The following CHRNB3 variants were observed in gnomAD, a reference collection of about 807,000 sequenced individuals.
CHRNB3 encodes cholinergic receptor nicotinic beta 3 subunit, also known as neuronal acetylcholine receptor subunit beta-3.
A neutral mutation model predicts 40.6 loss-of-function variants in CHRNB3; 37 were observed. That is an observed-to-expected ratio of 0.91 (90% CI 0.70 to 1.20). The LOEUF is 1.20. CHRNB3 is among the 50% of genes most tolerant of loss of function. The pLI is 0.00. For missense variants in CHRNB3, 505 were observed against 551.2 expected (o/e 0.92, Z 0.84); for synonymous variants, 207 against 207.1 (o/e 1.00, Z 0.00).
intron 5 of CHRNB3, among the ~76,000 whole-genome samples, chr8:42,734,945 G>T (rs1816494864): frequency 1.3e-5 from 2 of 152,048 alleles, no homozygotes; most frequent in Non-Finnish European, 2.9e-5. Context: ...ACAGGGCCAG[G>T]CGCGGTAGCT....
rs76865912 is a variant in CHRNB3 at position 42,708,797 on chromosome 8, C to T, written c.133C>T (p.Arg45Cys). Residue 45 changes from arginine to cysteine, a missense_variant, in exon 2 of 6, where the codon CGC becomes TGC. Physicochemically the swap from Arg to Cys is radical, Grantham distance 180. Coordinates refer to ENST00000289957, the MANE Select transcript of CHRNB3 (RefSeq NM_000749.5). ...HLFQGYQKWV[R>C]PVLHSNDTIK... ...GTTCCAAGGTTATCAGAAATGGGTCCGCCCTGTATTACATTCTAATGACAC... is the reference window on the plus strand; with the variant it reads ...GTTCCAAGGTTATCAGAAATGGGTCTGCCCTGTATTACATTCTAATGACAC... The T allele has an allele frequency of 7.1e-5, 115 of 1,613,864 alleles. 1 individual carries two copies. Among genetic ancestry groups the T allele is most frequent in the East Asian group, 1.8e-4 (8 of 44,890 alleles).
chr8:42,732,174 T>C lies in CHRNB3; in HGVS notation c.867T>C (p.Ser289=). 1 of 1,609,732 alleles carries C rather than the reference T, an allele frequency of 6.2e-7. No individual in the cohort carries two copies. Among genetic ancestry groups the C allele is most frequent in the East Asian group, 2.2e-5 (1 of 44,884 alleles). ...LLVIEEIIPS[S]SKVIPLIGEY... The stretch of plus-strand genomic sequence containing the variant: ...TGATTGAAGAAATCATCCCATCGTC[T>C]TCCAAAGTCATTCCTCTCATTGGAG... The change falls in exon 5 of 6, where the codon TCT becomes TCC. Residue 289 remains serine (S), a synonymous_variant. Transcript: ENST00000289957.
At chr8:42,716,724 C>A (rs553094593) in intron 3 of CHRNB3, among the ~76,000 whole-genome samples, 1 of 152,134 alleles carries the variant, frequency 6.6e-6, no homozygotes, top group South Asian at 2.1e-4. Flanking sequence ...TTATGGAAAG[C>A]CGCCTCTGCC....
chr8:42,730,777 G>A (rs955753287), intron 4 of CHRNB3, 74 bp downstream of exon 4: 39 of 867,940 alleles, frequency 4.5e-5, no homozygotes, highest in Admixed American at 1.4e-4. Context: ...GGCTGGGCGC[G>A]GTGGCTCACG....
intron 3 of CHRNB3, among the ~76,000 whole-genome samples, chr8:42,728,984 T>C (rs1272830991): frequency 6.6e-6 from 1 of 152,062 alleles, no homozygotes; most frequent in Non-Finnish European, 1.5e-5. Flanking sequence ...GGAAGGAGAT[T>C]ATATTTGTTC....
chr8:42,698,327 T>A (rs370230966), intron 1 of CHRNB3, among the ~76,000 whole-genome samples: 1 of 152,242 alleles, frequency 6.6e-6, no homozygotes, highest in Admixed American at 6.5e-5. Flanking sequence ...ACTTTTTGTG[T>A]AACTTGAGAA....
intron 3 of CHRNB3, among the ~76,000 whole-genome samples, chr8:42,722,881 AGG>A (rs1278565793): frequency 1.3e-5 from 2 of 151,966 alleles, no homozygotes; most frequent in East Asian, 3.9e-4. Flanking sequence ...CTCTTGGGGG[AGG>A]GATGGCTTTA....
intron 3 of CHRNB3, among the ~76,000 whole-genome samples, chr8:42,727,826 G>A (rs1254733108): frequency 2.0e-5 from 3 of 152,120 alleles, no homozygotes; most frequent in Non-Finnish European, 2.9e-5. Context: ...CTGTGCGACT[G>A]CACTCCAGCC....
intron 3 of CHRNB3, chr8:42,725,594 G>C: frequency 8.9e-7 from 1 of 1,121,608 alleles, no homozygotes; most frequent in Non-Finnish European, 1.3e-6. Context: ...TGATAGCCAG[G>C]TATGCCCATC....
At chr8:42,703,502 C>A (rs1300870487) in intron 1 of CHRNB3, among the ~76,000 whole-genome samples, 8 of 140,152 alleles carry the variant, frequency 5.7e-5, no homozygotes, top group African/African-American at 2.0e-4. Flanking sequence ...AGAAAAAATT[C>A]TTGGTTTTTC....
chr8:42,707,767 C>T (rs908424024), intron 1 of CHRNB3, among the ~76,000 whole-genome samples: 1 of 152,180 alleles, frequency 6.6e-6, no homozygotes, highest in Non-Finnish European at 1.5e-5. Context: ...TAAGGAAAGA[C>T]TCTTCCTTGG....
chr8:42,716,418 G>C (rs1487501949), intron 3 of CHRNB3, among the ~76,000 whole-genome samples: 3 of 152,106 alleles, frequency 2.0e-5, no homozygotes, highest in Non-Finnish European at 4.4e-5. Context: ...AAGTGATGCA[G>C]GGCAGATGAA....
At chr8:42,706,467 GC>G (rs1815923862) in intron 1 of CHRNB3, among the ~76,000 whole-genome samples, 2 of 152,292 alleles carry the variant, frequency 1.3e-5, no homozygotes, top group South Asian at 4.1e-4. Flanking sequence ...CAGTGCAGGA[GC>G]CCAAGAGAGA....
chr8:42,733,724 C>A lies in CHRNB3; in HGVS notation c.1242+1175C>A, dbSNP rs991888118. Among the ~76,000 whole-genome samples the A allele has an allele frequency of 2.0e-5, 3 of 150,202 alleles. No individual in the cohort carries two copies. The Admixed American group carries it at 2.0e-4, about 10-fold the overall frequency. On this transcript the variant is annotated intron_variant, in intron 5 of 5. Transcript: ENST00000289957. ...TCTGCTGTCTCAGCCTCCCAAGTAG[C>A]TGGGACTACAGGTACACACCACCAC... is the stretch of plus-strand genomic sequence containing the variant.
At chr8:42,730,819 C>T (rs921558037) in intron 4 of CHRNB3, 116 bp downstream of exon 4, 5 of 473,982 alleles carry the variant, frequency 1.1e-5, no homozygotes, top group South Asian at 3.3e-5. Flanking sequence ...GAGGCCGAGG[C>T]GGGTGGATCA....
intron 3 of CHRNB3, among the ~76,000 whole-genome samples, chr8:42,717,902 G>A (rs373730847): frequency 2.4e-4 from 34 of 143,510 alleles, no homozygotes; most frequent in African/African-American, 8.3e-4. Flanking sequence ...GCACAATCTC[G>A]GCTCACCACA....
At chr8:42,728,001 T>C (rs888110299) in intron 3 of CHRNB3, among the ~76,000 whole-genome samples, 1 of 152,198 alleles carries the variant, frequency 6.6e-6, no homozygotes, top group Non-Finnish European at 1.5e-5. Context: ...ACTTTTAGAA[T>C]TTCTGACTTG....
At chr8:42,718,252 C>CT (rs1164595473) in intron 3 of CHRNB3, among the ~76,000 whole-genome samples, 3 of 152,056 alleles carry the variant, frequency 2.0e-5, no homozygotes, top group Non-Finnish European at 4.4e-5. Context: ...AAGAATTTGG[C>CT]TTTAAGAATT....
intron 5 of CHRNB3, among the ~76,000 whole-genome samples, chr8:42,733,256 T>C (rs550858782): frequency 6.6e-6 from 1 of 151,560 alleles, no homozygotes; most frequent in African/African-American, 2.4e-5. Flanking sequence ...GAGGCCAGAA[T>C]TGAGACCAGC....
Sources: gnomAD v4.1 joint callset for allele counts (sites outside exome capture counted in the v4.1 genomes callset) on GRCh38, gnomAD v4.1.1 for gene constraint, MANE v1.5 for transcripts, NCBI Gene and HGNC (gene_info 2026-07-23, HGNC 2026-07-21) for gene names.